Variants in ACACB observed in about 807,000 individuals in gnomAD.
ACACB encodes acetyl-CoA carboxylase 2.
In ACACB, 209 loss-of-function variants were observed where a neutral mutation model predicts 278.8. The observed-to-expected ratio is 0.75, with a 90% CI of 0.67 to 0.84. The LOEUF (loss-of-function observed/expected upper bound fraction) is 0.84, where lower values mean the gene tolerates loss of function less well. ACACB is among the 40% of genes least tolerant of loss of function. ACACB has a pLI of 0.00. For synonymous variants in ACACB, 1,174 were observed against 1,285.6 expected (o/e 0.91, Z 1.86); for missense variants, 2,850 against 3,269.0 (o/e 0.87, Z 3.13).
At chr12:109,166,782 C>G (rs1422964150) in intron 2 of ACACB, 79 bp from the exon 3 acceptor site, 6 of 1,586,602 alleles carry the variant, frequency 3.8e-6, no homozygotes, top group Non-Finnish European at 4.3e-6. Flanking sequence ...TCCTCTGCTC[C>G]ACTGGCTTTA....
intron 15 of ACACB, among the ~76,000 whole-genome samples, chr12:109,192,853 G>A (rs1300887643): frequency 6.6e-6 from 1 of 152,014 alleles, no homozygotes; most frequent in Non-Finnish European, 1.5e-5. Flanking sequence ...TGCATAGATG[G>A]GGTCTCACTA....
intron 37 of ACACB, among the ~76,000 whole-genome samples, chr12:109,244,047 A>G (rs1421461693): frequency 1.3e-5 from 2 of 152,184 alleles, no homozygotes; most frequent in African/African-American, 2.4e-5. Context: ...TAGAGTGAAC[A>G]GGCAGCCTAC....
intron 1 of ACACB, among the ~76,000 whole-genome samples, chr12:109,132,470 G>A (rs983083862): frequency 2.0e-5 from 3 of 152,130 alleles, no homozygotes; most frequent in African/African-American, 7.2e-5. Context: ...CGGTCCCATG[G>A]AGGTGTTTTA....
At chr12:109,207,393 A>G (rs1210767630) in intron 20 of ACACB, among the ~76,000 whole-genome samples, 1 of 152,228 alleles carries the variant, frequency 6.6e-6, no homozygotes, top group Non-Finnish European at 1.5e-5. Flanking sequence ...CCAGTAGGAC[A>G]TTAAGGAAGG....
At position 109,266,574 on chromosome 12, in the gene ACACB, G is replaced by A; in HGVS notation, c.*212G>A. ...AAAAACAGCCTCCTCTCCATAGCTG[G>A]GAAGTTTATTTTGTTTTGTCTCTGA... On this transcript the variant is annotated 3_prime_UTR_variant, in exon 53 of 53. Coordinates refer to ENST00000338432, the MANE Select transcript of ACACB (RefSeq NM_001093.4). 2.2e-6 allele frequency: 1 copy of A among 445,998 alleles called. No individual in the cohort carries two copies. Among genetic ancestry groups the A allele is most frequent in the Non-Finnish European group, 3.7e-6 (1 of 267,044 alleles). The allele number at this position is 445,998 out of a possible 1,614,324, so 27.6% of individuals were successfully genotyped here. A position where few individuals can be genotyped will look rare whatever the true frequency, so the allele number is the denominator to read the frequency against.
At position 109,265,471 on chromosome 12, in the gene ACACB, T is replaced by C. The variant is rs1288792968; in HGVS notation, c.7196T>C (p.Ile2399Thr). The C allele has an allele frequency of 2.5e-6, 4 of 1,613,626 alleles. No individual in the cohort carries two copies. The highest frequency in any genetic ancestry group is 3.4e-6 in the Non-Finnish European group (4 of 1,179,886). ...WQAGDGPRST[I>T]RENITYLKHD... is the part of the protein sequence containing the mutation. Reference sequence around the variant, plus strand: ...GCAGGGGATGGCCCGCGCTCCACCATCCGTGAGAACATCACGTACCTGAAG... The same window carrying C: ...GCAGGGGATGGCCCGCGCTCCACCACCCGTGAGAACATCACGTACCTGAAG... The change falls in exon 52 of 53, where the codon ATC becomes ACC. Residue 2399 changes from isoleucine to threonine, a missense_variant. Transcript: ENST00000338432.
At chr12:109,197,226 A>G (rs2268393) in intron 17 of ACACB, 73 bp downstream of exon 17, 897,066 of 1,536,370 alleles carry the variant, frequency 0.58, 263,881 homozygotes, top group African/African-American at 0.71. Context: ...AAAACACAGC[A>G]CTGGCCTGTG....
At chr12:109,186,914 C>T (rs756482173) in intron 12 of ACACB, among the ~76,000 whole-genome samples, 1 of 152,168 alleles carries the variant, frequency 6.6e-6, no homozygotes, top group African/African-American at 2.4e-5. Flanking sequence ...CCAAATCCTT[C>T]ATCCCTTAGT....
chr12:109,226,685 A>G (rs1331259519), intron 27 of ACACB, among the ~76,000 whole-genome samples: 1 of 144,158 alleles, frequency 6.9e-6, no homozygotes, highest in Non-Finnish European at 1.5e-5. Context: ...GGCAACAAGA[A>G]CAAAACTCCA....
Position 109,214,151 on chromosome 12 carries a change from A to G in ACACB, c.3350+1215A>G, listed in dbSNP as rs555276295. On this transcript the variant is annotated intron_variant, in intron 22 of 52. Transcript: ENST00000338432. ...GTGGTGTGTACCTATAGGCCCAGCT[A>G]CTCAGGAGGCTGAGGTGAGAGGACT... Among the ~76,000 whole-genome samples the G allele has an allele frequency of 2.6e-5, 4 of 151,990 alleles. No homozygotes were observed. In the South Asian group the frequency reaches 8.3e-4, roughly 32 times the overall value.
intron 24 of ACACB, 81 bp downstream of exon 24, chr12:109,217,001 G>T: frequency 6.6e-7 from 1 of 1,519,652 alleles, no homozygotes; most frequent in Non-Finnish European, 8.9e-7. Context: ...CCAGAAAGTG[G>T]CTGGGTGCGG....
At chr12:109,230,429 TTTGG>T (rs2046435300) in intron 28 of ACACB, among the ~76,000 whole-genome samples, 1 of 152,236 alleles carries the variant, frequency 6.6e-6, no homozygotes, top group Admixed American at 6.5e-5. Context: ...GATTTTTTTG[TTTGG>T]TTGTTTAGAG....
Position 109,140,055 on chromosome 12 carries a change from T to C in ACACB, c.650T>C (p.Met217Thr). ...TGEAETRVPT[M>T]RPSMSGLHLV... ...GAAGCTGAGACCCGCGTCCCCACTA[T>C]GAGGTAATGTGCATTTTCTCCTTGT... The change falls in exon 2 of 53, where the codon ATG becomes ACG. Residue 217 changes from methionine to threonine, a missense_variant. Physicochemically the swap from Met to Thr is moderately conservative, Grantham distance 81. Transcript: ENST00000338432. 2 of 1,583,230 alleles carry C rather than the reference T, an allele frequency of 1.3e-6. No individual in the cohort carries two copies. The highest frequency in any genetic ancestry group is 8.5e-7 in the Non-Finnish European group (1 of 1,170,414).
At chr12:109,165,016 T>C (rs2043852528) in intron 2 of ACACB, among the ~76,000 whole-genome samples, 1 of 151,978 alleles carries the variant, frequency 6.6e-6, no homozygotes, top group Non-Finnish European at 1.5e-5. Context: ...TCCAGGGTGA[T>C]GGTGATAAGG....
intron 3 of ACACB, 29 bp downstream of exon 3, chr12:109,167,022 G>A: frequency 3.1e-6 from 5 of 1,613,290 alleles, no homozygotes; most frequent in Non-Finnish European, 4.2e-6. Context: ...ACTCTGGGTG[G>A]GGTCCGATTG....
At chr12:109,125,921 C>T (rs577662352) in intron 1 of ACACB, among the ~76,000 whole-genome samples, 7 of 152,218 alleles carry the variant, frequency 4.6e-5, no homozygotes, top group South Asian at 4.1e-4. Flanking sequence ...GAGTTCATGG[C>T]GATTCTCCTG....
chr12:109,260,253 T>C, intron 47 of ACACB: 5 of 1,303,204 alleles, frequency 3.8e-6, no homozygotes, highest in Non-Finnish European at 5.3e-6. Context: ...GATTGGTTTT[T>C]CCCTGTGCCT....
At chr12:109,171,013 A>ATTTTTTTTTT (rs59371391) in intron 4 of ACACB, among the ~76,000 whole-genome samples, 1 of 106,530 alleles carries the variant, frequency 9.4e-6, no homozygotes, top group Non-Finnish European at 1.8e-5. Context: ...CTTTTTTTGG[A>ATTTTTTTTTT]TTTTTTTTTT....
intron 15 of ACACB, 28 bp from the exon 16 acceptor site, chr12:109,193,620 C>A: frequency 6.3e-7 from 1 of 1,585,170 alleles, no homozygotes; most frequent in Non-Finnish European, 8.7e-7. Flanking sequence ...CCTCCCAAGG[C>A]TGACCACAAC....
Sources: allele counts gnomAD v4.1 joint callset (sites outside exome capture counted in the v4.1 genomes callset), GRCh38; gene constraint gnomAD v4.1.1; transcripts MANE v1.5; gene names NCBI Gene and HGNC (gene_info 2026-07-23, HGNC 2026-07-21).